Variants in ETV6 observed in about 807,000 individuals in gnomAD.
ETV6 encodes the protein ETS variant transcription factor 6.
ETV6 carries 16 observed loss-of-function variants against 51.1 expected under a neutral mutation model. The observed-to-expected ratio is 0.31, with a 90% CI of 0.21 to 0.48. ETV6 has a LOEUF of 0.48. ETV6 is among the 20% of genes least tolerant of loss of function. The pLI, the probability that ETV6 is intolerant of heterozygous loss-of-function variation, is 0.99. For synonymous variants in ETV6, 240 were observed against 224.1 expected, an observed-to-expected ratio of 1.07 and a Z score of -0.64; for missense variants, 458 against 594.8, an observed-to-expected ratio of 0.77 and a Z score of 2.39.
intron 5 of ETV6, among the ~76,000 whole-genome samples, chr12:11,876,598 G>A (rs1412496686): frequency 1.3e-5 from 2 of 152,146 alleles, no homozygotes; most frequent in Non-Finnish European, 2.9e-5. Flanking sequence ...AGATTCGTTG[G>A]TACACTGACA....
intron 2 of ETV6, among the ~76,000 whole-genome samples, chr12:11,761,599 A>G (rs1445699563): frequency 2.0e-5 from 3 of 152,358 alleles, no homozygotes; most frequent in African/African-American, 7.2e-5. Flanking sequence ...CTTCAGAAAA[A>G]TTGCCTGACG....
rs1352122684 is a variant in ETV6, at chr12:11,886,027, G to T, written c.1253+1G>T. The T allele has an allele frequency of 6.2e-7, 1 of 1,605,498 alleles. No homozygotes were observed. Among genetic ancestry groups the T allele is most frequent in the Non-Finnish European group, 8.5e-7 (1 of 1,172,474 alleles). ...AGCCAGGACAAAGGCTTTTGTTCAGGTAGCACTTCCTTTTTCTCCTTTCCT... is the reference window on the plus strand; with the variant it reads ...AGCCAGGACAAAGGCTTTTGTTCAGTTAGCACTTCCTTTTTCTCCTTTCCT... On this transcript the variant is annotated splice_donor_variant, in intron 7 of 7. Coordinates refer to ENST00000396373, the MANE Select transcript of ETV6 (RefSeq NM_001987.5). LOFTEE classifies it high-confidence loss of function.
intron 1 of ETV6, among the ~76,000 whole-genome samples, chr12:11,667,961 A>G (rs1221810501): frequency 1.3e-5 from 2 of 151,574 alleles, no homozygotes; most frequent in Non-Finnish European, 2.9e-5. Context: ...CGGCCTCCCA[A>G]AGTGCTGGGA....
chr12:11,674,286 A>G (rs1864373405), intron 1 of ETV6, among the ~76,000 whole-genome samples: 1 of 152,086 alleles, frequency 6.6e-6, no homozygotes, highest in South Asian at 2.1e-4. Context: ...GGGCGTGTGG[A>G]GGAAGAGGGA....
intron 1 of ETV6, among the ~76,000 whole-genome samples, chr12:11,662,486 G>A (rs1029558876): frequency 1.8e-4 from 27 of 152,210 alleles, no homozygotes; most frequent in Non-Finnish European, 4.4e-5. Flanking sequence ...CTGTGTGTGC[G>A]TTCGTTGTTA....
chr12:11,794,638 T>A (rs1361534940), intron 2 of ETV6, among the ~76,000 whole-genome samples: 1 of 152,230 alleles, frequency 6.6e-6, no homozygotes, highest in Non-Finnish European at 1.5e-5. Flanking sequence ...TCTCTTGAGG[T>A]ATTTTCCTTT....
At chr12:11,665,543 A>G (rs1283017220) in intron 1 of ETV6, among the ~76,000 whole-genome samples, 1 of 152,242 alleles carries the variant, frequency 6.6e-6, no homozygotes, top group Non-Finnish European at 1.5e-5. Context: ...TCCAGTGTCC[A>G]GCTCAAGGTC....
At chr12:11,780,089 C>T (rs889407715) in intron 2 of ETV6, among the ~76,000 whole-genome samples, 1 of 152,210 alleles carries the variant, frequency 6.6e-6, no homozygotes, top group African/African-American at 2.4e-5. Flanking sequence ...CCTTTTCTCT[C>T]TTTCTGGTAC....
chr12:11,850,796 C>T (rs1216585175), intron 3 of ETV6, among the ~76,000 whole-genome samples: 1 of 152,228 alleles, frequency 6.6e-6, no homozygotes, highest in African/African-American at 2.4e-5. Flanking sequence ...CACCATGCTG[C>T]TGTCTTTCCT....
At chr12:11,885,880 TTG>T (rs933373128) in intron 6 of ETV6, 44 bp from the exon 7 acceptor site, 1 of 1,404,012 alleles carries the variant, frequency 7.1e-7, no homozygotes, top group African/African-American at 1.4e-5. Context: ...GTTCATTTCA[TTG>T]TGTCTTTGTG....
At chr12:11,683,781 C>A (rs919959746) in intron 1 of ETV6, among the ~76,000 whole-genome samples, 9 of 152,042 alleles carry the variant, frequency 5.9e-5, no homozygotes, top group Non-Finnish European at 1.3e-4. Flanking sequence ...ACAGATTGCC[C>A]CCAAAAAATT....
intron 2 of ETV6, among the ~76,000 whole-genome samples, chr12:11,793,326 G>GA (rs1348658352): frequency 6.6e-6 from 1 of 152,218 alleles, no homozygotes; most frequent in African/African-American, 2.4e-5. Context: ...GCTTGCTCAT[G>GA]AGTGGTGGAG....
intron 1 of ETV6, among the ~76,000 whole-genome samples, chr12:11,688,884 G>T (rs1864689495): frequency 6.6e-6 from 1 of 151,688 alleles, no homozygotes; most frequent in Non-Finnish European, 1.5e-5. Flanking sequence ...TCTACATGCT[G>T]ATTAATCTAG....
In ETV6 at chr12:11,831,037, AACTCAG is replaced by A. The variant is rs1946237047; in HGVS notation, c.164-8101_164-8096del. On this transcript the variant is annotated intron_variant, in intron 2 of 7. Coordinates refer to ENST00000396373, the MANE Select transcript of ETV6 (RefSeq NM_001987.5). ...TCTCATGATCTGAATGCTGAGACAC[AACTCAG>A]AGTCATTTGGGCTGCTCTTGAAAAT... Among the ~76,000 whole-genome samples the A allele has an allele frequency of 2.0e-5, 3 of 152,346 alleles. No individual in the cohort carries two copies. The South Asian group carries it at 6.2e-4, about 32-fold the overall frequency.
chr12:11,809,071 T>G, intron 2 of ETV6, among the ~76,000 whole-genome samples: 1 of 149,436 alleles, frequency 6.7e-6, no homozygotes, highest in African/African-American at 2.5e-5. Context: ...AGGCATGAGG[T>G]GGGAGAATGA....
intron 1 of ETV6, among the ~76,000 whole-genome samples, chr12:11,655,475 A>G (rs574316965): frequency 6.6e-6 from 1 of 152,346 alleles, no homozygotes; most frequent in South Asian, 2.1e-4. Context: ...AGTTAGAATT[A>G]TAGCCTATTA....
chr12:11,779,440 A>T (rs2136366289), intron 2 of ETV6, among the ~76,000 whole-genome samples: 1 of 152,316 alleles, frequency 6.6e-6, no homozygotes, highest in African/African-American at 2.4e-5. Flanking sequence ...AGACTTGGTA[A>T]TCATTCACGT....
At chr12:11,692,012 T>C (rs1864776406) in intron 1 of ETV6, among the ~76,000 whole-genome samples, 1 of 152,222 alleles carries the variant, frequency 6.6e-6, no homozygotes, top group African/African-American at 2.4e-5. Flanking sequence ...GACACTTCTA[T>C]GGTTTGAGTA....
chr12:11,810,605 C>T (rs1330073244), intron 2 of ETV6, among the ~76,000 whole-genome samples: 1 of 152,206 alleles, frequency 6.6e-6, no homozygotes, highest in East Asian at 1.9e-4. Context: ...TTCAAGTTGG[C>T]AAAATCCAAT....
Sources: allele counts gnomAD v4.1 joint callset (sites outside exome capture counted in the v4.1 genomes callset), GRCh38; gene constraint gnomAD v4.1.1; transcripts MANE v1.5; gene names NCBI Gene and HGNC (gene_info 2026-07-23, HGNC 2026-07-21).